Variants in ING3 observed in about 807,000 individuals in gnomAD.
ING3 encodes inhibitor of growth family member 3, also known as inhibitor of growth protein 3.
In ING3, 6 loss-of-function variants were observed where a neutral mutation model predicts 64.8. The ratio of observed to expected loss-of-function variants is 0.09; its 90% CI spans 0.05 to 0.18. The LOEUF (loss-of-function observed/expected upper bound fraction) is 0.18. Ranked by LOEUF, ING3 falls within the 10% of genes least tolerant of loss-of-function variation. ING3 has a pLI of 1.00. For synonymous variants in ING3, 170 were observed against 173.7 expected (o/e 0.98, Z 0.17); for missense variants, 310 against 489.7 (o/e 0.63, Z 3.46).
intron 11 of ING3, 41 bp from the exon 12 acceptor site, chr7:120,974,687 A>G (rs759371131): frequency 3.5e-5 from 38 of 1,085,088 alleles, no homozygotes; most frequent in Non-Finnish European, 5.4e-5. Context: ...TCTTGTCTTC[A>G]GAAGTACTGA....
intron 4 of ING3, among the ~76,000 whole-genome samples, chr7:120,962,462 G>A (rs1474595118): frequency 6.6e-6 from 1 of 150,984 alleles, no homozygotes; most frequent in Non-Finnish European, 1.5e-5. Context: ...TGAAAGTCTT[G>A]TCATTATTTT....
intron 10 of ING3, among the ~76,000 whole-genome samples, chr7:120,972,946 C>T (rs969129074): frequency 2.6e-5 from 4 of 152,096 alleles, no homozygotes; most frequent in Admixed American, 2.0e-4. Context: ...AAAGATGACT[C>T]CTTCATCCGG....
At chr7:120,968,935 CTATAAT>C in intron 8 of ING3, 70 bp from the exon 9 acceptor site, 1 of 718,996 alleles carries the variant, frequency 1.4e-6, no homozygotes, top group Admixed American at 3.2e-5. Flanking sequence ...CAAAATAAAA[CTATAAT>C]TTGTAAAACT....
chr7:120,967,571 A>T lies in ING3; in HGVS notation c.479A>T (p.His160Leu), dbSNP rs750100465. ...NPTSHHTTTD[H>L]IPEKKFKSEA... ...ACTTCTCACCATACGACAACAGATC[A>T]TATTCCTGAAAAGAAATTTAAATCT... Residue 160 changes from histidine (H) to leucine (L), a missense_variant, in exon 7 of 12, where the codon CAT (histidine) becomes CTT (leucine). Physicochemically the swap from His to Leu is moderately conservative, Grantham distance 99 (BLOSUM62 -3). Around this residue, in one of 3 missense-constraint regions of ING3, gnomAD observed 233 missense variants for 289.4 expected, o/e 0.81. Transcript: ENST00000315870. The T allele has an allele frequency of 1.3e-6, 2 of 1,593,818 alleles. No individual in the cohort carries two copies. Among genetic ancestry groups the T allele is most frequent in the South Asian group, 1.1e-5 (1 of 89,760 alleles).
At chr7:120,959,240 C>T (rs1275971965) in intron 4 of ING3, among the ~76,000 whole-genome samples, 1 of 152,168 alleles carries the variant, frequency 6.6e-6, no homozygotes, top group African/African-American at 2.4e-5. Context: ...TTCTACCTGC[C>T]AAGAGGGCCA....
In ING3 at chr7:120,976,143, A is replaced by T. The variant is rs532347340; in HGVS notation, c.*1299A>T. On this transcript the variant is annotated 3_prime_UTR_variant, in exon 12 of 12. Transcript: ENST00000315870. ...TATTCTAAGGTGCTATTTAAATTAT[A>T]AATTTGCATAGTGGAGGTTTTATTT... The T allele has an allele frequency of 1.3e-5, 2 of 152,324 alleles. No homozygotes were observed. Among genetic ancestry groups the T allele is most frequent in the South Asian group, 4.1e-4 (2 of 4,832 alleles). The allele number at this position is 152,324 out of a possible 1,614,324, so 9.4% of individuals were successfully genotyped here.
chr7:120,951,070 C>T (rs1435878874), intron 1 of ING3, 94 bp from the exon 2 acceptor site: 3 of 1,525,400 alleles, frequency 2.0e-6, no homozygotes, highest in Admixed American at 1.7e-5. Context: ...TGTGGGCTGC[C>T]GGCCCCCTCG....
At chr7:120,965,187 T>C (rs1376029982) in intron 5 of ING3, among the ~76,000 whole-genome samples, 2 of 152,220 alleles carry the variant, frequency 1.3e-5, no homozygotes, top group African/African-American at 2.4e-5. Context: ...CTTTATACAC[T>C]TAAGCTTTGA....
Position 120,967,644 on chromosome 7 carries a change from A to T in ING3, c.552A>T (p.Thr184=). ...TLTSDASKEN[T]LGCRNNNSTA... Reference sequence around the variant, plus strand: ...CGTCAGATGCCTCTAAGGAAAATACACTAGGTAAGTTAATTTTCTTAAATA... The same window carrying T: ...CGTCAGATGCCTCTAAGGAAAATACTCTAGGTAAGTTAATTTTCTTAAATA... The change falls in exon 7 of 12, where the codon ACA becomes ACT. Residue 184 remains threonine, a synonymous_variant. Transcript: ENST00000315870. 6.3e-7 allele frequency: 1 copy of T among 1,583,718 alleles called. No homozygotes were observed. Among genetic ancestry groups the T allele is most frequent in the Non-Finnish European group, 8.5e-7 (1 of 1,170,542 alleles).
intron 2 of ING3, among the ~76,000 whole-genome samples, chr7:120,952,086 G>A (rs567364854): frequency 2.8e-4 from 43 of 152,272 alleles, no homozygotes; most frequent in African/African-American, 9.6e-4. Flanking sequence ...AAAAAGTGGT[G>A]GCATGGAAGC....
intron 2 of ING3, 93 bp from the exon 3 acceptor site, chr7:120,953,211 T>C (rs1303740761): frequency 4.7e-6 from 3 of 640,800 alleles, no homozygotes; most frequent in Non-Finnish European, 5.4e-6. Flanking sequence ...AAAGAGTGTG[T>C]ATTGTCAGAT....
chr7:120,960,091 G>A (rs915494365), intron 4 of ING3, among the ~76,000 whole-genome samples: 3 of 152,202 alleles, frequency 2.0e-5, no homozygotes, highest in East Asian at 1.9e-4. Flanking sequence ...AGGAGATGAC[G>A]TTTGAGGTGG....
intron 3 of ING3, among the ~76,000 whole-genome samples, chr7:120,954,751 T>A (rs1002688660): frequency 8.6e-5 from 13 of 151,682 alleles, no homozygotes; most frequent in East Asian, 1.9e-4. Flanking sequence ...CCCTCTTTTT[T>A]AAAAAAAAAT....
intron 2 of ING3, among the ~76,000 whole-genome samples, chr7:120,952,181 G>C (rs1170416120): frequency 6.6e-6 from 1 of 152,224 alleles, no homozygotes; most frequent in African/African-American, 2.4e-5. Context: ...TTTAATTTTA[G>C]TGTAGTTGAA....
At chr7:120,967,056 C>T (rs1365504007) in intron 6 of ING3, among the ~76,000 whole-genome samples, 1 of 152,170 alleles carries the variant, frequency 6.6e-6, no homozygotes, top group African/African-American at 2.4e-5. Flanking sequence ...TTGTCTTTTT[C>T]ATCCTTGCTT....
chr7:120,950,991 G>A (rs1174739678), intron 1 of ING3, 67 bp downstream of exon 1: 3 of 1,587,868 alleles, frequency 1.9e-6, no homozygotes, highest in Admixed American at 3.3e-5. Flanking sequence ...CGAGTGGACG[G>A]GCAGCGAGAT....
At chr7:120,972,408 A>G (rs549481550) in intron 10 of ING3, among the ~76,000 whole-genome samples, 15 of 152,316 alleles carry the variant, frequency 9.8e-5, no homozygotes, top group Admixed American at 8.5e-4. Flanking sequence ...ATCACCCGAT[A>G]AACATTTTTC....
At chr7:120,963,064 G>A (rs546083083) in intron 4 of ING3, among the ~76,000 whole-genome samples, 2 of 152,152 alleles carry the variant, frequency 1.3e-5, no homozygotes, top group South Asian at 2.1e-4. Flanking sequence ...CGTTGCATTA[G>A]TGGTCTTGGA....
At chr7:120,963,084 T>C (rs1039465330) in intron 4 of ING3, among the ~76,000 whole-genome samples, 4 of 152,142 alleles carry the variant, frequency 2.6e-5, no homozygotes, top group Non-Finnish European at 4.4e-5. Flanking sequence ...AACTTAAATA[T>C]GAATATTTTT....
Sources: allele counts gnomAD v4.1 joint callset (sites outside exome capture counted in the v4.1 genomes callset), GRCh38; gene constraint gnomAD v4.1.1; regional missense constraint gnomAD v4.1.1; transcripts MANE v1.5; gene names NCBI Gene and HGNC (gene_info 2026-07-23, HGNC 2026-07-21).